The following CCDC148 variants were observed in gnomAD, a reference collection of about 807,000 sequenced individuals.
CCDC148 encodes the protein coiled-coil domain-containing protein 148.
CCDC148 carries 89 observed loss-of-function variants against 85.7 expected under a neutral mutation model. That is an observed-to-expected ratio of 1.04 (90% confidence interval 0.87 to 1.24). The LOEUF is 1.24. Ranked by LOEUF, CCDC148 falls within the 50% of genes most tolerant of loss-of-function variation. CCDC148 has a pLI of 0.00. For missense variants in CCDC148, 692 were observed against 671.7 expected, an observed-to-expected ratio of 1.03 and a Z score of -0.33; for synonymous variants, 230 against 213.9, an observed-to-expected ratio of 1.08 and a Z score of -0.66.
chr2:158,451,531 A>G (rs1278269753), intron 1 of CCDC148, among the ~76,000 whole-genome samples: 1 of 152,158 alleles, frequency 6.6e-6, no homozygotes, highest in Non-Finnish European at 1.5e-5. Context: ...TGTATAATAG[A>G]AATACAAGTT....
intron 1 of CCDC148, among the ~76,000 whole-genome samples, chr2:158,377,917 G>T (rs1482216442): frequency 6.6e-6 from 1 of 151,896 alleles, no homozygotes; most frequent in Non-Finnish European, 1.5e-5. Context: ...CCCTCTCCTG[G>T]GCTGTCCCTA....
chr2:158,334,850 C>T (rs1444143872), intron 7 of CCDC148, among the ~76,000 whole-genome samples: 1 of 152,036 alleles, frequency 6.6e-6, no homozygotes, highest in Non-Finnish European at 1.5e-5. Context: ...CATCCCTCCA[C>T]CATTAGTTAA....
intron 11 of CCDC148, among the ~76,000 whole-genome samples, chr2:158,209,590 T>A (rs1686445258): frequency 6.6e-6 from 1 of 152,138 alleles, no homozygotes; most frequent in Non-Finnish European, 1.5e-5. Context: ...CACGAAGGGA[T>A]GCCCATCAGA....
chr2:158,283,685 A>C (rs561660834), intron 9 of CCDC148, among the ~76,000 whole-genome samples: 234 of 152,026 alleles, frequency 1.5e-3, no homozygotes, highest in African/African-American at 4.9e-3. Context: ...GTGGGACTGT[A>C]AACTAGTTCA....
Position 158,221,774 on chromosome 2 carries a change from T to C in CCDC148, c.1252-1061A>G, listed in dbSNP as rs1028286071. On this transcript the variant is annotated intron_variant, in intron 10 of 13. Transcript: ENST00000283233. Reference sequence around the variant, plus strand: ...ACAATAGCAACATCTGTTCAATGTTTAATGAATAATTAAATAAGCCCAATG... The same window carrying C: ...ACAATAGCAACATCTGTTCAATGTTCAATGAATAATTAAATAAGCCCAATG... Among the ~76,000 whole-genome samples the C allele has an allele frequency of 6.1e-4, 93 of 152,192 alleles. 1 individual carries two copies. Among genetic ancestry groups the C allele is most frequent in the Middle Eastern group, 3.2e-3 (1 of 316 alleles).
chr2:158,431,821 G>A (rs577136114), intron 1 of CCDC148, among the ~76,000 whole-genome samples: 41 of 151,970 alleles, frequency 2.7e-4, no homozygotes, highest in African/African-American at 8.7e-4. Context: ...GCCTGTAATC[G>A]CAGCTATTTG....
chr2:158,454,025 A>G (rs1688506503), intron 1 of CCDC148, among the ~76,000 whole-genome samples: 1 of 152,180 alleles, frequency 6.6e-6, no homozygotes, highest in Non-Finnish European at 1.5e-5. Context: ...CAGTGGTTTC[A>G]TTCCTTCACT....
intron 9 of CCDC148, among the ~76,000 whole-genome samples, chr2:158,266,298 G>A (rs1267510086): frequency 2.0e-5 from 3 of 152,076 alleles, no homozygotes; most frequent in African/African-American, 7.2e-5. Context: ...TCCGTCTCAA[G>A]GCACTTAAGG....
intron 9 of CCDC148, among the ~76,000 whole-genome samples, chr2:158,273,455 G>A (rs953194268): frequency 1.3e-5 from 2 of 152,176 alleles, no homozygotes; most frequent in Non-Finnish European, 2.9e-5. Flanking sequence ...CTTCTGGGGT[G>A]TAACAGAAGA....
intron 1 of CCDC148, 43 bp from the exon 2 acceptor site, chr2:158,358,613 A>G (rs1164965042): frequency 2.9e-6 from 4 of 1,390,060 alleles, no homozygotes; most frequent in African/African-American, 1.5e-5. Context: ...AAAGAATATC[A>G]TGTTATTGGA....
chr2:158,305,760 A>G (rs1007739139), intron 9 of CCDC148, among the ~76,000 whole-genome samples: 142 of 149,096 alleles, frequency 9.5e-4, no homozygotes, highest in Non-Finnish European at 1.8e-3. Flanking sequence ...TCTCTTAAAA[A>G]AAAAAAAAAA....
chr2:158,424,719 T>TAA (rs5835705), intron 1 of CCDC148: 262 of 199,830 alleles, frequency 1.3e-3, no homozygotes, highest in Middle Eastern at 1.7e-3. Flanking sequence ...AGTATAATAA[T>TAA]AAAAAAAAGG....
intron 1 of CCDC148, among the ~76,000 whole-genome samples, chr2:158,454,906 CAT>C (rs1449127587): frequency 6.6e-6 from 1 of 152,112 alleles, no homozygotes; most frequent in African/African-American, 2.4e-5. Context: ...ATTTCAGTAA[CAT>C]TTTAATTATG....
At chr2:158,340,735 T>G in intron 3 of CCDC148, 55 bp from the exon 4 acceptor site, 1 of 1,049,430 alleles carries the variant, frequency 9.5e-7, no homozygotes, top group Non-Finnish European at 1.4e-6. Context: ...CATCTAGGTT[T>G]TTAAAAAATA....
chr2:158,405,228 A>G (rs1685948377), intron 1 of CCDC148, among the ~76,000 whole-genome samples: 1 of 152,152 alleles, frequency 6.6e-6, no homozygotes, highest in Non-Finnish European at 1.5e-5. Flanking sequence ...CTGACATTTT[A>G]ATTTTGAACC....
intron 1 of CCDC148, among the ~76,000 whole-genome samples, chr2:158,381,764 C>T (rs1684877858): frequency 6.6e-6 from 1 of 152,082 alleles, no homozygotes; most frequent in African/African-American, 2.4e-5. Context: ...GTGTTGCATG[C>T]CTATCACCTT....
chr2:158,256,724 A>G (rs1244037819), intron 9 of CCDC148, among the ~76,000 whole-genome samples: 1 of 151,796 alleles, frequency 6.6e-6, no homozygotes, highest in Admixed American at 6.6e-5. Context: ...AAGCCTGTCT[A>G]CTTCACACTT....
Position 158,220,560 on chromosome 2 carries a change from C to T in CCDC148, c.1370+35G>A, listed in dbSNP as rs754478589. On this transcript the variant is annotated intron_variant, in intron 11 of 13. Transcript: ENST00000283233. Reference sequence around the variant, plus strand: ...ACTTTACAAAAGACTCCATTCACCACCTCCATTACCACACAATTTTAAATT... The same window carrying T: ...ACTTTACAAAAGACTCCATTCACCATCTCCATTACCACACAATTTTAAATT... 4 of 1,437,032 alleles carry T rather than the reference C, an allele frequency of 2.8e-6. No individual in the cohort carries two copies. The Admixed American group carries it at 7.4e-5, about 26-fold the overall frequency. 89.0% of individuals were successfully genotyped at this position (1,437,032 alleles called of 1,614,324 possible).
chr2:158,286,918 C>T (rs1199868037), intron 9 of CCDC148, among the ~76,000 whole-genome samples: 1 of 151,942 alleles, frequency 6.6e-6, no homozygotes, highest in African/African-American at 2.4e-5. Flanking sequence ...TGTATTAGTC[C>T]GTTTTCATGC....
Sources: gnomAD v4.1 joint callset for allele counts (sites outside exome capture counted in the v4.1 genomes callset) on GRCh38, gnomAD v4.1.1 for gene constraint, MANE v1.5 for transcripts, NCBI Gene and HGNC (gene_info 2026-07-23, HGNC 2026-07-21) for gene names.